TLL2: variants seen among roughly 807,000 people sequenced by gnomAD.
The protein encoded by TLL2 is tolloid like 2, also known as tolloid-like protein 2.
TLL2 carries 106 observed loss-of-function variants against 123.0 expected under a neutral mutation model. The ratio of observed to expected loss-of-function variants is 0.86; its 90% CI spans 0.74 to 1.01. The LOEUF is 1.01. TLL2 is among the 50% of genes least tolerant of loss of function. TLL2 has a pLI of 0.00. For synonymous variants in TLL2, 494 were observed against 516.8 expected (o/e 0.96, Z 0.60); for missense variants, 1,332 against 1,336.7 (o/e 1.00, Z 0.06).
chr10:96,413,322 G>C lies in TLL2; in HGVS notation c.924-6C>G, dbSNP rs1456886036. The C allele has an allele frequency of 6.2e-7, 1 of 1,611,294 alleles. No individual in the cohort carries two copies. Among genetic ancestry groups the C allele is most frequent in the South Asian group, 1.1e-5 (1 of 90,936 alleles). On this transcript the variant is annotated splice_region_variant and splice_polypyrimidine_tract_variant and intron_variant, in intron 7 of 20. Transcript: ENST00000357947. ...TGGTGTCTAAGAAAACTCCTCTACA[G>C]GAAGGAAAAAAGACAGAAAAAGAAA...
intron 2 of TLL2, among the ~76,000 whole-genome samples, chr10:96,467,806 A>T (rs772173532): frequency 1.6e-4 from 24 of 152,204 alleles, no homozygotes; most frequent in Non-Finnish European, 2.2e-4. Flanking sequence ...AAGAAAAACC[A>T]AAAGGGGGAT....
intron 18 of TLL2, among the ~76,000 whole-genome samples, chr10:96,374,752 T>C (rs1333828489): frequency 2.0e-5 from 3 of 152,150 alleles, no homozygotes; most frequent in African/African-American, 7.2e-5. Flanking sequence ...CACCTCTCCC[T>C]GTTCCCCCTA....
At chr10:96,434,501 A>G (rs1326941763) in intron 3 of TLL2, among the ~76,000 whole-genome samples, 1 of 152,192 alleles carries the variant, frequency 6.6e-6, no homozygotes, top group African/African-American at 2.4e-5. Flanking sequence ...AGGATCACTC[A>G]TGTTGTAGTA....
intron 16 of TLL2, 77 bp from the exon 17 acceptor site, chr10:96,379,169 A>C: frequency 6.4e-7 from 1 of 1,555,778 alleles, no homozygotes; most frequent in Admixed American, 1.7e-5. Context: ...TCCCACTTAA[A>C]AGTGGCCTCC....
chr10:96,409,999 G>A (rs944444632), intron 9 of TLL2, among the ~76,000 whole-genome samples: 3 of 152,204 alleles, frequency 2.0e-5, no homozygotes, highest in African/African-American at 4.8e-5. Context: ...AGGCTGGGGG[G>A]AAGAATAGCC....
Position 96,413,378 on chromosome 10 carries a change from A to G in TLL2, c.924-62T>C. The G allele has an allele frequency of 1.9e-6, 3 of 1,576,362 alleles. No individual in the cohort carries two copies. The African/African-American group carries it at 4.0e-5, about 21-fold the overall frequency. ...AGGCCATCAGGCTGTCTGTGCTGGG[A>G]TTTCTAGGCTTCATTCCCTTGCCCA... On this transcript the variant is annotated intron_variant, in intron 7 of 20. Coordinates refer to ENST00000357947, the MANE Select transcript of TLL2 (RefSeq NM_012465.4).
At chr10:96,421,752 C>T (rs557455389) in intron 6 of TLL2, among the ~76,000 whole-genome samples, 1 of 151,346 alleles carries the variant, frequency 6.6e-6, no homozygotes, top group East Asian at 1.9e-4. Context: ...CAGGAGAATC[C>T]CTTGAACCCA....
intron 13 of TLL2, among the ~76,000 whole-genome samples, chr10:96,390,290 T>TC (rs1348250978): frequency 1.3e-5 from 2 of 152,140 alleles, no homozygotes; most frequent in African/African-American, 4.8e-5. Flanking sequence ...GGGAAGCCAG[T>TC]CCCCCTACCA....
chr10:96,440,966 T>C (rs940404262), intron 3 of TLL2, among the ~76,000 whole-genome samples: 4 of 152,266 alleles, frequency 2.6e-5, no homozygotes, highest in South Asian at 2.1e-4. Flanking sequence ...TTATTTATTA[T>C]GGCCAAGAGT....
rs574250303 is a variant in TLL2, at chr10:96,403,260, C to T, written c.1267+1972G>A. On this transcript the variant is annotated intron_variant, in intron 10 of 20. Transcript: ENST00000357947. ...CAAGGCTAACCTCCCCTGTCATCCACGAGAGATGTAGGGAAAAGAAAGAGA... is the reference window on the plus strand; with the variant it reads ...CAAGGCTAACCTCCCCTGTCATCCATGAGAGATGTAGGGAAAAGAAAGAGA... Among the ~76,000 whole-genome samples, 13 of 152,086 alleles carry T rather than the reference C, an allele frequency of 8.5e-5. No homozygotes were observed. In the South Asian group the frequency reaches 1.7e-3, roughly 19 times the overall value.
chr10:96,471,490 G>C (rs548118696), intron 2 of TLL2, among the ~76,000 whole-genome samples: 1 of 152,292 alleles, frequency 6.6e-6, no homozygotes, highest in South Asian at 2.1e-4. Flanking sequence ...TGGGATTTGG[G>C]ACACAGAAGT....
intron 2 of TLL2, among the ~76,000 whole-genome samples, chr10:96,467,510 G>T (rs1847142326): frequency 6.6e-6 from 1 of 152,188 alleles, no homozygotes; most frequent in Admixed American, 6.5e-5. Flanking sequence ...TGGGATTACA[G>T]CTGTGAGCCA....
intron 2 of TLL2, among the ~76,000 whole-genome samples, chr10:96,464,440 C>T (rs1436765274): frequency 6.6e-6 from 1 of 151,912 alleles, no homozygotes; most frequent in Non-Finnish European, 1.5e-5. Flanking sequence ...ACTGCCAGAA[C>T]ATGGAAAGAT....
chr10:96,468,771 C>T (rs1247896467), intron 2 of TLL2, among the ~76,000 whole-genome samples: 3 of 152,198 alleles, frequency 2.0e-5, no homozygotes, highest in Admixed American at 2.0e-4. Context: ...CACCGTGGCC[C>T]CAGGTGGAGT....
At chr10:96,383,141 G>A (rs1036484553) in intron 16 of TLL2, among the ~76,000 whole-genome samples, 3 of 152,192 alleles carry the variant, frequency 2.0e-5, no homozygotes, top group Non-Finnish European at 4.4e-5. Context: ...TGGCAGAACA[G>A]GTGGGCCAAG....
intron 2 of TLL2, among the ~76,000 whole-genome samples, chr10:96,466,778 G>A (rs143973087): frequency 2.0e-5 from 3 of 152,328 alleles, no homozygotes; most frequent in Middle Eastern, 3.4e-3. Context: ...GAACCCAGAC[G>A]TTGTGGTTAT....
intron 1 of TLL2, among the ~76,000 whole-genome samples, chr10:96,497,203 T>C (rs1048685829): frequency 3.9e-5 from 6 of 151,974 alleles, no homozygotes; most frequent in African/African-American, 1.2e-4. Flanking sequence ...GGCAGGAGAA[T>C]TGCTTGAACC....
rs1220861798 is a variant in TLL2, at chr10:96,365,805, T to G, written c.*2283A>C. ...AATCAGAGCTTCTCTTTTCTGTGGATACGTCACACAGAAGGCCTAAATAAA... is the reference window on the plus strand; with the variant it reads ...AATCAGAGCTTCTCTTTTCTGTGGAGACGTCACACAGAAGGCCTAAATAAA... On this transcript the variant is annotated 3_prime_UTR_variant, in exon 21 of 21. Coordinates refer to ENST00000357947, the MANE Select transcript of TLL2 (RefSeq NM_012465.4). 6.6e-6 allele frequency: 1 copy of G among 152,246 alleles called. No individual in the cohort carries two copies. The highest frequency in any genetic ancestry group is 1.5e-5 in the Non-Finnish European group (1 of 68,044). 9.4% of individuals were successfully genotyped at this position (152,246 alleles called of 1,614,324 possible).
rs549127678 is a variant in TLL2 at position 96,432,928 on chromosome 10, A to C, written c.399T>G (p.Pro133=). The C allele has an allele frequency of 6.2e-7, 1 of 1,613,966 alleles. No homozygotes were observed. Among genetic ancestry groups the C allele is most frequent in the Non-Finnish European group, 8.5e-7 (1 of 1,180,006 alleles). The change falls in exon 4 of 21, where the codon CCT becomes CCG. Residue 133 remains proline, a synonymous_variant. Coordinates refer to ENST00000357947, the MANE Select transcript of TLL2 (RefSeq NM_012465.4). ...GRENTTLLHS[P]GTLHAAAKTF... Reference sequence around the variant, plus strand: ...TCTTGGCTGCGGCATGCAAGGTCCCAGGGCTGTGCAGGAGTGTGGTATTCT... The same window carrying C: ...TCTTGGCTGCGGCATGCAAGGTCCCCGGGCTGTGCAGGAGTGTGGTATTCT...
Sources: allele counts gnomAD v4.1 joint callset (sites outside exome capture counted in the v4.1 genomes callset), GRCh38; gene constraint gnomAD v4.1.1; transcripts MANE v1.5; gene names NCBI Gene and HGNC (gene_info 2026-07-23, HGNC 2026-07-21).